TFRC: variants seen among roughly 807,000 people sequenced by gnomAD.
TFRC encodes transferrin receptor protein 1.
In TFRC, 35 loss-of-function variants were observed where a neutral mutation model predicts 85.8. The observed-to-expected ratio is 0.41, with a 90% CI of 0.31 to 0.54. The LOEUF is 0.54. Among genes scored for constraint, TFRC ranks in the 20% least tolerant of loss-of-function variants. The probability of loss-of-function intolerance (pLI) is 0.31; values close to 1 mark genes in which losing one functional copy is unlikely to be tolerated. For missense variants in TFRC, 828 were observed against 921.5 expected (o/e 0.90, Z 1.31); for synonymous variants, 362 against 328.6 (o/e 1.10, Z -1.10).
intron 2 of TFRC, among the ~76,000 whole-genome samples, chr3:196,076,309 ATTT>A (rs1372179186): frequency 6.6e-6 from 1 of 151,614 alleles, no homozygotes; most frequent in Non-Finnish European, 1.5e-5. Context: ...GTTTCTTAAA[ATTT>A]CATTTTTTTT....
At position 196,075,258 on chromosome 3, in the gene TFRC, TTTC is replaced by T. The variant is rs750078408; in HGVS notation, c.136_138del (p.Glu46del). On this transcript the variant is annotated inframe_deletion, in exon 3 of 19. Coordinates refer to ENST00000360110, the MANE Select transcript of TFRC (RefSeq NM_001128148.3). ...TTGGCCTTTGTGTTATTGTCAGCAT[TTTC>T]TTCTTCATCTACAGCAAGTTTCATC... 6 of 1,614,048 alleles carry T rather than the reference TTTC, an allele frequency of 3.7e-6. No individual in the cohort carries two copies. Among genetic ancestry groups the T allele is most frequent in the Non-Finnish European group, 5.1e-6 (6 of 1,180,046 alleles).
intron 12 of TFRC, 62 bp from the exon 13 acceptor site, chr3:196,062,707 T>C (rs1004662937): frequency 2.0e-5 from 31 of 1,559,512 alleles, no homozygotes; most frequent in Admixed American, 1.1e-4. Flanking sequence ...TACAGTAGCA[T>C]TAGGGATTCA....
intron 1 of TFRC, among the ~76,000 whole-genome samples, chr3:196,078,630 C>T (rs1331311548): frequency 6.6e-6 from 1 of 151,664 alleles, no homozygotes; most frequent in African/African-American, 2.4e-5. Flanking sequence ...GCACTCCAGC[C>T]TGGGTGACGG....
At chr3:196,058,735 G>C in intron 14 of TFRC, 103 bp from the exon 15 acceptor site, 1 of 669,074 alleles carries the variant, frequency 1.5e-6, no homozygotes, top group Non-Finnish European at 2.4e-6. Context: ...TAAAAAACTT[G>C]TATTATATCT....
At chr3:196,055,393 A>AGTTCCACCCTTGCTTCTAACAT in intron 16 of TFRC, 92 bp from the exon 17 acceptor site, 5 of 1,024,532 alleles carry the variant, frequency 4.9e-6, no homozygotes, top group Non-Finnish European at 7.6e-6. Context: ...CAGTGACGAC[A>AGTTCCACCCTTGCTTCTAACAT]GTTCCACCCT....
chr3:196,073,707 T>C (rs1190943059), intron 4 of TFRC, among the ~76,000 whole-genome samples: 3 of 152,164 alleles, frequency 2.0e-5, no homozygotes, highest in African/African-American at 4.8e-5. Flanking sequence ...CAAGGGCCTA[T>C]TAATTTTTTA....
chr3:196,057,377 C>G (rs548096437), intron 16 of TFRC, among the ~76,000 whole-genome samples: 29 of 152,106 alleles, frequency 1.9e-4, no homozygotes, highest in Non-Finnish European at 3.1e-4. Flanking sequence ...GACCCTCTCA[C>G]GCAGACTCCC....
At chr3:196,067,067 A>C (rs1005489200) in intron 9 of TFRC, among the ~76,000 whole-genome samples, 5 of 152,208 alleles carry the variant, frequency 3.3e-5, no homozygotes, top group Middle Eastern at 3.2e-3. Flanking sequence ...CCATCATAAG[A>C]AGCAAGGCTT....
intron 18 of TFRC, among the ~76,000 whole-genome samples, chr3:196,052,667 C>A (rs1716430235): frequency 6.6e-6 from 1 of 152,042 alleles, no homozygotes; most frequent in Admixed American, 6.6e-5. Flanking sequence ...TCTTGAACTC[C>A]TGACCTCAGG....
At chr3:196,070,443 T>C (rs915389341) in intron 6 of TFRC, among the ~76,000 whole-genome samples, 19 of 152,050 alleles carry the variant, frequency 1.2e-4, no homozygotes, top group African/African-American at 4.6e-4. Context: ...TTTTGTATTT[T>C]TAATAGAGTT....
At chr3:196,058,487 T>C (rs1265684310) in intron 15 of TFRC, 87 bp downstream of exon 15, 1 of 1,496,574 alleles carries the variant, frequency 6.7e-7, no homozygotes, top group East Asian at 2.3e-5. Flanking sequence ...GTAAGTTCAA[T>C]GCAAGGACAG....
chr3:196,055,149 G>A lies in TFRC; in HGVS notation c.1830C>T (p.Asp610=). The change falls in exon 17 of 19, where the codon GAC becomes GAT. Residue 610 remains aspartate (D), a synonymous_variant. Transcript: ENST00000360110. ...KLTHDVELNL[D]YERYNSQLLS... ...GCAGTTGGCTGTTGTACCTCTCATA[G>A]TCCAGGTTCAATTCAACATCATGGG... 1 of 1,614,182 alleles carries A rather than the reference G, an allele frequency of 6.2e-7. No individual in the cohort carries two copies. The highest frequency in any genetic ancestry group is 8.5e-7 in the Non-Finnish European group (1 of 1,180,030).
At chr3:196,078,908 G>C (rs1194952030) in intron 1 of TFRC, among the ~76,000 whole-genome samples, 1 of 151,496 alleles carries the variant, frequency 6.6e-6, no homozygotes, top group East Asian at 2.0e-4. Context: ...CGAGTAGCTG[G>C]GATTACAGGT....
chr3:196,052,292 CTTTTTTT>C lies in TFRC; in HGVS notation c.2041-115_2041-109del, dbSNP rs529214594. The C allele has an allele frequency of 1.6e-3, 889 of 546,932 alleles. 1 individual carries two copies. Among genetic ancestry groups the C allele is most frequent in the Non-Finnish European group, 1.7e-3 (594 of 349,938 alleles). 33.9% of individuals were successfully genotyped at this position (546,932 alleles called of 1,614,324 possible). Reference sequence around the variant, plus strand: ...CCCAAATTTAAGAATGCCGATCAGACTTTTTTTTTTTTTTTTTTTTTTTGACACAGAG... The same window carrying C: ...CCCAAATTTAAGAATGCCGATCAGACTTTTTTTTTTTTTTTTGACACAGAG... On this transcript the variant is annotated intron_variant, in intron 18 of 18. Transcript: ENST00000360110.
rs766912863 is a variant in TFRC at position 196,058,342 on chromosome 3, G to A, written c.1619C>T (p.Ala540Val). The A allele has an allele frequency of 1.3e-5, 21 of 1,613,890 alleles. No individual in the cohort carries two copies. The African/African-American group carries it at 2.8e-4, about 22-fold the overall frequency. The part of the protein sequence containing the change: ...SKVEKLTLDN[A>V]AFPFLAYSGI... ...AGAATATGCAAGGAAAGGGAAAGCA[G>A]CATTGTCTAAAGTGAGTTTCTCACT... The change falls in exon 16 of 19, where the codon GCT (alanine) becomes GTT (valine). Residue 540 changes from alanine to valine, a missense_variant. Physicochemically the swap from Ala to Val is moderately conservative, Grantham distance 64. Transcript: ENST00000360110.
At position 196,059,506 on chromosome 3, in the gene TFRC, T is replaced by C. The variant is rs41297505; in HGVS notation, c.1536+674A>G. The stretch of plus-strand genomic sequence containing the variant: ...GAGATCCTATAATCCCTAGTATCTC[T>C]TGGATCAAGGCCAATGTCTGCTATC... On this transcript the variant is annotated intron_variant, in intron 14 of 18. Transcript: ENST00000360110. Among the ~76,000 whole-genome samples the C allele has an allele frequency of 3.3e-5, 5 of 152,344 alleles. No homozygotes were observed. The East Asian group carries it at 9.6e-4, about 29-fold the overall frequency.
At position 196,072,119 on chromosome 3, in the gene TFRC, C is replaced by T; in HGVS notation, c.468G>A (p.Glu156=). 1 of 1,614,072 alleles carries T rather than the reference C, an allele frequency of 6.2e-7. No individual in the cohort carries two copies. The highest frequency in any genetic ancestry group is 1.1e-5 in the South Asian group (1 of 91,058). ...LLNENSYVPR[E]AGSQKDENLA... ...GATTTTCATCTTTTTGAGATCCAGC[C>T]TCACGAGGGACATATGAATTTTCAT... Residue 156 remains glutamate, a synonymous_variant, in exon 5 of 19, where the codon GAG becomes GAA. Transcript: ENST00000360110.
At position 196,072,049 on chromosome 3, in the gene TFRC, T is replaced by C. The variant is rs1314259682; in HGVS notation, c.538A>G (p.Lys180Glu). 1.2e-6 allele frequency: 2 copies of C among 1,614,216 alleles called. No individual in the cohort carries two copies. The highest frequency in any genetic ancestry group is 1.1e-5 in the South Asian group (1 of 91,070). Residue 180 changes from lysine (K) to glutamate (E), a missense_variant, in exon 5 of 19, where the codon AAA becomes GAA. Physicochemically the swap from Lys to Glu is moderately conservative, Grantham distance 56. Coordinates refer to ENST00000360110, the MANE Select transcript of TFRC (RefSeq NM_001128148.3). ...ACAAAATGTTGATCACGCCAGACTT[T>C]GCTGAGTTTAAATTCACGAAATTGA... ...ENQFREFKLS[K>E]VWRDQHFVKI...
At chr3:196,079,373 A>G (rs892325340) in intron 1 of TFRC, among the ~76,000 whole-genome samples, 4 of 151,940 alleles carry the variant, frequency 2.6e-5, no homozygotes, top group Non-Finnish European at 4.4e-5. Context: ...ACACTTTGGG[A>G]GGCCGAGGCG....
Sources: gnomAD v4.1 joint callset for allele counts (sites outside exome capture counted in the v4.1 genomes callset) on GRCh38, gnomAD v4.1.1 for gene constraint, MANE v1.5 for transcripts, NCBI Gene and HGNC (gene_info 2026-07-23, HGNC 2026-07-21) for gene names.